The following CYFIP2 variants were observed in gnomAD, a reference collection of about 807,000 sequenced individuals.
The protein encoded by CYFIP2 is cytoplasmic FMR1-interacting protein 2.
In CYFIP2, 29 loss-of-function variants were observed where a neutral mutation model predicts 158.7. The observed-to-expected ratio is 0.18, with a 90% CI of 0.14 to 0.25. The LOEUF is 0.25. Ranked by LOEUF, CYFIP2 falls within the 10% of genes least tolerant of loss-of-function variation. CYFIP2 has a pLI of 1.00. For synonymous variants in CYFIP2, 585 were observed against 617.6 expected (o/e 0.95, Z 0.78); for missense variants, 852 against 1,639.5 (o/e 0.52, Z 8.29).
chr5:157,310,273 C>G (rs960302361), intron 10 of CYFIP2, among the ~76,000 whole-genome samples: 1 of 152,182 alleles, frequency 6.6e-6, no homozygotes, highest in Non-Finnish European at 1.5e-5. Flanking sequence ...GCTTTATAAA[C>G]CACAATTCTG....
At chr5:157,296,554 A>G in intron 4 of CYFIP2, 119 bp from the exon 5 acceptor site, 1 of 887,108 alleles carries the variant, frequency 1.1e-6, no homozygotes, top group Non-Finnish European at 1.8e-6. Flanking sequence ...TGATCATGCC[A>G]CTGCACTCTA....
At position 157,327,961 on chromosome 5, in the gene CYFIP2, C is replaced by T. The variant is rs1761158973; in HGVS notation, c.2080-12C>T. ...CGGGCACCAGTGATGTTTCCTGCTT[C>T]CTCTCCACCAGGTGAACCTGTGTTT... is the stretch of plus-strand genomic sequence containing the variant. On this transcript the variant is annotated splice_polypyrimidine_tract_variant and intron_variant, in intron 18 of 30. Transcript: ENST00000620254. The T allele has an allele frequency of 6.2e-7, 1 of 1,613,502 alleles. No homozygotes were observed. Among genetic ancestry groups the T allele is most frequent in the African/African-American group, 1.3e-5 (1 of 75,026 alleles).
At chr5:157,363,133 C>T (rs1763993261) in intron 26 of CYFIP2, 1 of 152,384 alleles carries the variant, frequency 6.6e-6, no homozygotes, top group African/African-American at 2.4e-5. Flanking sequence ...AGAGACTGTG[C>T]TCTCCTCCTT....
At chr5:157,357,007 G>A (rs897008658) in intron 23 of CYFIP2, among the ~76,000 whole-genome samples, 18 of 152,106 alleles carry the variant, frequency 1.2e-4, no homozygotes, top group African/African-American at 2.2e-4. Context: ...CATACATTTC[G>A]AAGCTAAATA....
intron 1 of CYFIP2, among the ~76,000 whole-genome samples, chr5:157,279,033 T>G (rs908694319): frequency 6.6e-6 from 1 of 152,260 alleles, no homozygotes; most frequent in African/African-American, 2.4e-5. Flanking sequence ...GCTTTCATTC[T>G]ATTGTATAGA....
At chr5:157,304,183 G>A in intron 7 of CYFIP2, 55 bp from the exon 8 acceptor site, 1 of 1,570,582 alleles carries the variant, frequency 6.4e-7, no homozygotes, top group Non-Finnish European at 8.6e-7. Context: ...CAGGGGTGCA[G>A]GTGAGGGCAC....
At chr5:157,323,067 G>T in intron 15 of CYFIP2, 1 of 1,505,622 alleles carries the variant, frequency 6.6e-7, no homozygotes, top group East Asian at 2.5e-5. Flanking sequence ...CGAGGAGGCA[G>T]CAGGAATGGA....
At chr5:157,366,529 T>C (rs946145580) in intron 26 of CYFIP2, among the ~76,000 whole-genome samples, 14 of 152,208 alleles carry the variant, frequency 9.2e-5, no homozygotes, top group African/African-American at 3.1e-4. Flanking sequence ...TCACCTAGAA[T>C]TGATGTTTGT....
At chr5:157,322,135 T>C (rs1760643515) in intron 15 of CYFIP2, among the ~76,000 whole-genome samples, 1 of 152,096 alleles carries the variant, frequency 6.6e-6, no homozygotes, top group Non-Finnish European at 1.5e-5. Context: ...GGCACAGACA[T>C]GTTGAATAGA....
chr5:157,333,532 G>C, intron 21 of CYFIP2, 86 bp downstream of exon 21: 1 of 1,580,840 alleles, frequency 6.3e-7, no homozygotes, highest in African/African-American at 1.4e-5. Flanking sequence ...GTCTAGTGCT[G>C]GGCCAGTTAA....
At chr5:157,307,591 T>C (rs1471056721) in intron 8 of CYFIP2, among the ~76,000 whole-genome samples, 170 bp from the exon 9 acceptor site, 2 of 151,878 alleles carry the variant, frequency 1.3e-5, no homozygotes, top group Non-Finnish European at 2.9e-5. Context: ...CCTGCCTTTA[T>C]TTGAAGATGC....
intron 18 of CYFIP2, among the ~76,000 whole-genome samples, chr5:157,327,320 T>C (rs1252654981): frequency 2.0e-5 from 3 of 152,176 alleles, no homozygotes; most frequent in Non-Finnish European, 4.4e-5. Context: ...ATCCTAGCAC[T>C]TTGGGAGGCC....
chr5:157,347,096 C>T (rs1466863638), intron 23 of CYFIP2, among the ~76,000 whole-genome samples: 1 of 152,174 alleles, frequency 6.6e-6, no homozygotes. Flanking sequence ...CAGCTTTTCT[C>T]TTCTTGGTTC....
chr5:157,376,445 T>C (rs1427678006), intron 26 of CYFIP2: 1 of 153,202 alleles, frequency 6.5e-6, no homozygotes, highest in Non-Finnish European at 1.5e-5. Context: ...TTCATCTTCA[T>C]CTCTGTGCCT....
chr5:157,323,880 G>C (rs1348093872), intron 15 of CYFIP2, 41 bp from the exon 16 acceptor site: 1 of 1,491,556 alleles, frequency 6.7e-7, no homozygotes, highest in African/African-American at 1.4e-5. Context: ...CCGGGGTAGA[G>C]GGCCAGCTTC....
In CYFIP2 at chr5:157,326,153, G is replaced by C. The variant is rs1039858471; in HGVS notation, c.1983-18G>C. ...GGGGGTTATTAGCAAGCGGCTGGCT[G>C]TGTTTTTCCCTCTTCAGGTATGTCC... On this transcript the variant is annotated intron_variant, in intron 17 of 30. Transcript: ENST00000620254. The C allele has an allele frequency of 6.3e-7, 1 of 1,595,362 alleles. No homozygotes were observed. The highest frequency in any genetic ancestry group is 1.7e-5 in the Admixed American group (1 of 59,790).
rs946902409 is a variant in CYFIP2 at position 157,366,150 on chromosome 5, T to TG, written c.3039+4559dup. Among the ~76,000 whole-genome samples, 15 of 152,140 alleles carry TG rather than the reference T, an allele frequency of 9.9e-5. 1 individual carries two copies. The highest frequency in any genetic ancestry group is 6.5e-4 in the Admixed American group (10 of 15,276). ...TGTCCCTCTTTAATCATAGCCATTCTGGGGGGGCTGTCATGTTTCATTATG... is the reference window on the plus strand; with the variant it reads ...TGTCCCTCTTTAATCATAGCCATTCTGGGGGGGGCTGTCATGTTTCATTATG... On this transcript the variant is annotated intron_variant, in intron 26 of 30. Coordinates refer to ENST00000620254, the MANE Select transcript of CYFIP2 (RefSeq NM_001037333.3).
At chr5:157,293,042 G>A (rs1757957931) in intron 3 of CYFIP2, among the ~76,000 whole-genome samples, 1 of 151,750 alleles carries the variant, frequency 6.6e-6, no homozygotes, top group African/African-American at 2.4e-5. Flanking sequence ...ATGTATGTAT[G>A]TATGTATGTA....
intron 26 of CYFIP2, among the ~76,000 whole-genome samples, chr5:157,369,951 G>C (rs10054292): frequency 6.7e-6 from 1 of 149,154 alleles, no homozygotes; most frequent in East Asian, 2.0e-4. Flanking sequence ...GCGTGATCTC[G>C]GCTCACTGCA....
Sources: gnomAD v4.1 joint callset for allele counts (sites outside exome capture counted in the v4.1 genomes callset) on GRCh38, gnomAD v4.1.1 for gene constraint, MANE v1.5 for transcripts, NCBI Gene and HGNC (gene_info 2026-07-23, HGNC 2026-07-21) for gene names.